ABCA5: variants seen among roughly 807,000 people sequenced by gnomAD.
ABCA5 encodes the protein cholesterol transporter ABCA5.
A neutral mutation model predicts 206.0 loss-of-function variants in ABCA5; 163 were observed. The ratio of observed to expected loss-of-function variants is 0.79; its 90% CI spans 0.70 to 0.90. The LOEUF (loss-of-function observed/expected upper bound fraction) is 0.90, where lower values mean the gene tolerates loss of function less well. Among genes scored for constraint, ABCA5 ranks in the 40% least tolerant of loss-of-function variants. ABCA5 has a pLI of 0.00. For synonymous variants in ABCA5, 609 were observed against 613.8 expected (o/e 0.99, Z 0.11); for missense variants, 1,859 against 1,912.9 (o/e 0.97, Z 0.53).
intron 9 of ABCA5, among the ~76,000 whole-genome samples, chr17:69,297,994 G>A (rs997188293): frequency 2.0e-5 from 3 of 152,068 alleles, no homozygotes; most frequent in Non-Finnish European, 4.4e-5. Context: ...AGACCAGCCT[G>A]GGCAATATGG....
chr17:69,305,867 T>A (rs994775535), intron 6 of ABCA5, among the ~76,000 whole-genome samples: 3 of 151,956 alleles, frequency 2.0e-5, no homozygotes, highest in Non-Finnish European at 4.4e-5. Flanking sequence ...CAAGACCCTG[T>A]CTCAAAAAAT....
At chr17:69,323,839 T>C (rs1403216258) in intron 1 of ABCA5, among the ~76,000 whole-genome samples, 1 of 152,222 alleles carries the variant, frequency 6.6e-6, no homozygotes, top group African/African-American at 2.4e-5. Flanking sequence ...TCAGTCTGTT[T>C]GGCACAGCCC....
At chr17:69,291,187 T>G (rs777155764) in intron 12 of ABCA5, 29 bp downstream of exon 12, 4 of 1,359,802 alleles carry the variant, frequency 2.9e-6, no homozygotes, top group Admixed American at 2.7e-5. Context: ...TATAATGAAG[T>G]TTTTTTTTCT....
In ABCA5 at chr17:69,247,722, G is replaced by A. The variant is rs535503323; in HGVS notation, c.4822-78C>T. On this transcript the variant is annotated intron_variant, in intron 38 of 38. Coordinates refer to ENST00000392676, the MANE Select transcript of ABCA5 (RefSeq NM_172232.4). The stretch of plus-strand genomic sequence containing the variant: ...AGAACTTTTAACTAAATCAGAAATG[G>A]TACAAGGCTATATCTAGTTATATCA... The A allele has an allele frequency of 9.5e-6, 7 of 735,870 alleles. No homozygotes were observed. In the African/African-American group the frequency reaches 1.1e-4, roughly 11 times the overall value. 45.6% of individuals were successfully genotyped at this position (735,870 alleles called of 1,614,324 possible). A position where few individuals can be genotyped will look rare whatever the true frequency, so the allele number is the denominator to read the frequency against.
At chr17:69,263,725 C>A (rs565015212) in intron 24 of ABCA5, among the ~76,000 whole-genome samples, 5 of 42,438 alleles carry the variant, frequency 1.2e-4, no homozygotes, top group South Asian at 6.8e-4. Flanking sequence ...GATAAAAAGT[C>A]TCTCTCTGTT....
intron 1 of ABCA5, among the ~76,000 whole-genome samples, chr17:69,319,134 T>C (rs147002290): frequency 3.4e-3 from 523 of 152,344 alleles, no homozygotes; most frequent in Non-Finnish European, 5.7e-3. Context: ...ATATCACATT[T>C]AGCAAAGAGT....
intron 27 of ABCA5, among the ~76,000 whole-genome samples, chr17:69,260,023 C>A (rs1241723869): frequency 1.3e-5 from 2 of 151,780 alleles, no homozygotes; most frequent in Non-Finnish European, 3.0e-5. Context: ...TATTTTCTGC[C>A]TCTGTATCAT....
rs2075351238 is a variant in ABCA5 at position 69,277,862 on chromosome 17, A to C, written c.2393-20T>G. The C allele has an allele frequency of 2.0e-6, 3 of 1,473,056 alleles. No individual in the cohort carries two copies. Among genetic ancestry groups the C allele is most frequent in the Non-Finnish European group, 2.7e-6 (3 of 1,106,808 alleles). The allele number at this position is 1,473,056 out of a possible 1,614,324, so 91.2% of individuals were successfully genotyped here. A position where few individuals can be genotyped will look rare whatever the true frequency, so the allele number is the denominator to read the frequency against. On this transcript the variant is annotated intron_variant, in intron 18 of 38. Coordinates refer to ENST00000392676, the MANE Select transcript of ABCA5 (RefSeq NM_172232.4). ...TATAATCTATTTGCCAAAACAAAAC[A>C]AACATTTCAGTATGTTCATTAAAAA... is the stretch of plus-strand genomic sequence containing the variant.
intron 17 of ABCA5, among the ~76,000 whole-genome samples, chr17:69,284,831 T>A (rs893376392): frequency 3.9e-5 from 6 of 152,206 alleles, no homozygotes; most frequent in Non-Finnish European, 8.8e-5. Flanking sequence ...TTTGGTATTA[T>A]TAGAAAAAGT....
intron 15 of ABCA5, 30 bp downstream of exon 15, chr17:69,287,583 C>A (rs757589377): frequency 6.3e-7 from 1 of 1,596,566 alleles, no homozygotes; most frequent in South Asian, 1.1e-5. Context: ...CCCATGATCT[C>A]AGCCTTCGAA....
chr17:69,324,238 T>G (rs1175742443), intron 1 of ABCA5, among the ~76,000 whole-genome samples: 2 of 151,926 alleles, frequency 1.3e-5, no homozygotes, highest in East Asian at 1.9e-4. Flanking sequence ...TGCAGAGAGA[T>G]AAAATTTAAT....
At chr17:69,270,555 A>G (rs533161356) in intron 22 of ABCA5, 58 bp downstream of exon 22, 2 of 1,431,744 alleles carry the variant, frequency 1.4e-6, no homozygotes, top group East Asian at 2.6e-5. Flanking sequence ...TTAGTTTTTA[A>G]TGGTTATTAT....
chr17:69,323,283 C>T (rs966556578), intron 1 of ABCA5, among the ~76,000 whole-genome samples: 2 of 152,144 alleles, frequency 1.3e-5, no homozygotes, highest in Non-Finnish European at 2.9e-5. Flanking sequence ...TATACCCTTC[C>T]CCCAAAAAGA....
intron 34 of ABCA5, among the ~76,000 whole-genome samples, chr17:69,252,148 A>C (rs1280356624): frequency 6.6e-6 from 1 of 151,626 alleles, no homozygotes; most frequent in Non-Finnish European, 1.5e-5. Flanking sequence ...AGTAGCTGGG[A>C]CTACAGGTGC....
Position 69,306,718 on chromosome 17 carries a change from A to T in ABCA5, c.788+7T>A. On this transcript the variant is annotated splice_region_variant and intron_variant, in intron 6 of 38. Coordinates refer to ENST00000392676, the MANE Select transcript of ABCA5 (RefSeq NM_172232.4). Reference sequence around the variant, plus strand: ...TTATATTAAGTAATAAATTTTTAATAACATACCAAAAGGCAGTATCATGAA... The same window carrying T: ...TTATATTAAGTAATAAATTTTTAATTACATACCAAAAGGCAGTATCATGAA... The T allele has an allele frequency of 7.7e-7, 1 of 1,302,436 alleles. No individual in the cohort carries two copies. Among genetic ancestry groups the T allele is most frequent in the Non-Finnish European group, 1.0e-6 (1 of 988,504 alleles). 80.7% of individuals were successfully genotyped at this position (1,302,436 alleles called of 1,614,324 possible). A position where few individuals can be genotyped will look rare whatever the true frequency, so the allele number is the denominator to read the frequency against.
At chr17:69,295,488 G>A (rs542512585) in intron 10 of ABCA5, among the ~76,000 whole-genome samples, 46 of 152,294 alleles carry the variant, frequency 3.0e-4, no homozygotes, top group Admixed American at 2.6e-4. Flanking sequence ...GGCATTCGAA[G>A]TATATGCTTG....
chr17:69,287,323 T>G (rs1008657558), intron 15 of ABCA5, among the ~76,000 whole-genome samples: 1 of 152,178 alleles, frequency 6.6e-6, no homozygotes, highest in African/African-American at 2.4e-5. Context: ...ATATACCTTT[T>G]CCCTTTGCTA....
chr17:69,297,140 A>G, intron 10 of ABCA5, 51 bp downstream of exon 10: 1 of 1,523,504 alleles, frequency 6.6e-7, no homozygotes, highest in Non-Finnish European at 9.0e-7. Context: ...ATAGGATTTA[A>G]ATGTTTCATC....
intron 20 of ABCA5, among the ~76,000 whole-genome samples, chr17:69,271,695 T>C (rs78908903): frequency 0.046 from 7,001 of 151,500 alleles, 197 homozygotes; most frequent in Non-Finnish European, 0.066. Context: ...ATTATTAACA[T>C]TGAAAAGTTA....
Sources: allele counts gnomAD v4.1 joint callset (sites outside exome capture counted in the v4.1 genomes callset), GRCh38; gene constraint gnomAD v4.1.1; transcripts MANE v1.5; gene names NCBI Gene and HGNC (gene_info 2026-07-23, HGNC 2026-07-21).